The following POLA2 variants were observed in gnomAD, a reference collection of about 807,000 sequenced individuals.
POLA2 encodes the protein DNA polymerase alpha subunit B.
In POLA2, 47 loss-of-function variants were observed where a neutral mutation model predicts 82.8. The ratio of observed to expected loss-of-function variants is 0.57; its 90% CI spans 0.45 to 0.72. POLA2 has a LOEUF of 0.72. POLA2 is among the 30% of genes least tolerant of loss of function. The pLI, the probability that POLA2 is intolerant of heterozygous loss-of-function variation, is 0.00. For synonymous variants in POLA2, 287 were observed against 286.8 expected (o/e 1.00, Z -0.01); for missense variants, 634 against 728.1 (o/e 0.87, Z 1.49).
chr11:65,284,910 A>G, intron 10 of POLA2, among the ~76,000 whole-genome samples: 1 of 152,212 alleles, frequency 6.6e-6, no homozygotes, highest in Non-Finnish European at 1.5e-5. Flanking sequence ...TCAACACCCC[A>G]TGCATGTAAC....
In POLA2 at chr11:65,279,572, A is replaced by C. The variant is rs574278314; in HGVS notation, c.690A>C (p.Glu230Asp). 1.2e-6 allele frequency: 2 copies of C among 1,613,844 alleles called. No homozygotes were observed. The highest frequency in any genetic ancestry group is 1.7e-6 in the Non-Finnish European group (2 of 1,179,802). The change falls in exon 7 of 18, where the codon GAA (glutamate) becomes GAC (aspartate). Residue 230 changes from glutamate (E) to aspartate (D), a missense_variant. By Grantham distance (45) the Glu-to-Asp change is conservative. Transcript: ENST00000265465. The part of the protein sequence containing the change: ...LTCKIEELGS[E>D]LKEHYKIEAF... ...GTAAGATAGAAGAACTTGGCAGCGA[A>C]CTCAAGGAACATTACAAGATTGAAG...
intron 5 of POLA2, among the ~76,000 whole-genome samples, chr11:65,276,790 CTT>C (rs1267118697): frequency 1.9e-4 from 26 of 137,684 alleles, no homozygotes; most frequent in Non-Finnish European, 2.2e-4. Flanking sequence ...AACTCTATCA[CTT>C]TTTTTTTTTT....
chr11:65,294,972 T>C (rs548472854), intron 15 of POLA2, among the ~76,000 whole-genome samples: 1 of 152,314 alleles, frequency 6.6e-6, no homozygotes, highest in Admixed American at 6.5e-5. Flanking sequence ...CCCAAATTTG[T>C]GACCTGAAAA....
rs1949789927 is a variant in POLA2, at chr11:65,294,578, C to T, written c.1386C>T (p.Leu462=). The change falls in exon 15 of 18, where the codon CTC becomes CTT. Residue 462 remains leucine, a synonymous_variant. Coordinates refer to ENST00000265465, the MANE Select transcript of POLA2 (RefSeq NM_002689.4). The stretch of plus-strand genomic sequence containing the variant: ...AGTTTGTGTCCGAGCCCTGCAGCCT[C>T]TCCATAAACGGAGTGATCTTCGGCT... The part of the protein sequence containing the change: ...QVQFVSEPCS[L]SINGVIFGLT... 1 of 1,613,970 alleles carries T rather than the reference C, an allele frequency of 6.2e-7. No homozygotes were observed. The highest frequency in any genetic ancestry group is 8.5e-7 in the Non-Finnish European group (1 of 1,179,962).
rs1399452801 is a variant in POLA2 at position 65,287,823 on chromosome 11, C to T, written c.1114C>T (p.Pro372Ser). 1.2e-6 allele frequency: 2 copies of T among 1,613,470 alleles called. No individual in the cohort carries two copies. The highest frequency in any genetic ancestry group is 1.7e-6 in the Non-Finnish European group (2 of 1,179,842). Residue 372 changes from proline to serine, a missense_variant, in exon 11 of 18, where the codon CCA (proline) becomes TCA (serine). Coordinates refer to ENST00000265465, the MANE Select transcript of POLA2 (RefSeq NM_002689.4). The stretch of plus-strand genomic sequence containing the variant: ...GATTGCTGTCATCAACCATGACCGG[C>T]CAGATGTCTGCATCCTGGTAAGAGG... Reference protein sequence around the residue: ...DLIAVINHDRPDVCILFGPFL... With the variant: ...DLIAVINHDRSDVCILFGPFL...
chr11:65,263,162 A>G (rs1949418291), intron 1 of POLA2, among the ~76,000 whole-genome samples: 1 of 151,850 alleles, frequency 6.6e-6, no homozygotes, highest in South Asian at 2.1e-4. Flanking sequence ...ATGGTGAGAA[A>G]TTCCTTTCAG....
downstream of POLA2, among the ~76,000 whole-genome samples, chr11:65,300,118 C>G: frequency 6.6e-6 from 1 of 152,200 alleles, no homozygotes; most frequent in East Asian, 1.9e-4. Flanking sequence ...TAATCCCATC[C>G]CCTGGCAATC....
intron 13 of POLA2, 142 bp downstream of exon 13, chr11:65,290,014 C>T (rs969728405): frequency 6.9e-6 from 4 of 576,332 alleles, no homozygotes; most frequent in South Asian, 4.3e-5. Context: ...TTTGGGAGGC[C>T]GAGGCGGGCA....
chr11:65,269,343 C>A (rs560822720), intron 4 of POLA2, among the ~76,000 whole-genome samples: 3 of 151,960 alleles, frequency 2.0e-5, no homozygotes, highest in Non-Finnish European at 2.9e-5. Flanking sequence ...AGAAATTAGC[C>A]GGGCGTGGTG....
Position 65,278,836 on chromosome 11 carries a change from AACATC to A in POLA2, c.570_574del (p.Asn190LysfsTer32). 1 of 1,613,882 alleles carries A rather than the reference AACATC, an allele frequency of 6.2e-7. No homozygotes were observed. Among genetic ancestry groups the A allele is most frequent in the Middle Eastern group, 1.7e-4 (1 of 5,826 alleles). ...TTGGTCTGGGAGAGGAGGAGCTGGA[AACATC>A]AGCCTGAAGGTCTTGGGATGTCCAG... On this transcript the variant is annotated frameshift_variant, in exon 6 of 18. Coordinates refer to ENST00000265465, the MANE Select transcript of POLA2 (RefSeq NM_002689.4). LOFTEE classifies it high-confidence loss of function.
rs1415342037 is a variant in POLA2, at chr11:65,280,997, T to A, written c.750T>A (p.Pro250=). Residue 250 remains proline, a synonymous_variant, in exon 8 of 18, where the codon CCT becomes CCA. Transcript: ENST00000265465. ...FTPLLAPAQE[P]VTLLGQIGCD... is the part of the protein sequence containing the mutation. The stretch of plus-strand genomic sequence containing the variant: ...CTGTGACCTTCCTTTGGTAGGAGCC[T>A]GTCACTCTGCTGGGCCAGATTGGCT... The A allele has an allele frequency of 1.2e-6, 2 of 1,613,540 alleles. No individual in the cohort carries two copies. The highest frequency in any genetic ancestry group is 1.7e-6 in the Non-Finnish European group (2 of 1,179,952).
At position 65,294,201 on chromosome 11, in the gene POLA2, T is replaced by G; in HGVS notation, c.1293T>G (p.His431Gln). ...TCCCGTCATTGAGAGATGTGCACCATGAGCCTGTGTACCCCCAGCCGCCTT... is the reference window on the plus strand; with the variant it reads ...TCCCGTCATTGAGAGATGTGCACCAGGAGCCTGTGTACCCCCAGCCGCCTT... Reference protein sequence around the residue: ...VFVPSLRDVHHEPVYPQPPFS... With the variant: ...VFVPSLRDVHQEPVYPQPPFS... Residue 431 changes from histidine (H) to glutamine (Q), a missense_variant, in exon 14 of 18, where the codon CAT (histidine) becomes CAG (glutamine). Transcript: ENST00000265465. 3.7e-6 allele frequency: 6 copies of G among 1,614,160 alleles called. No individual in the cohort carries two copies. The highest frequency in any genetic ancestry group is 5.1e-6 in the Non-Finnish European group (6 of 1,180,038).
intron 7 of POLA2, 117 bp from the exon 8 acceptor site, chr11:65,280,870 ATGCCC>A: frequency 1.0e-6 from 1 of 962,394 alleles, no homozygotes; most frequent in Middle Eastern, 3.4e-4. Context: ...GGTCAAAGCA[ATGCCC>A]TGCCAAGAAA....
At chr11:65,305,055 C>T (rs1282873850) in intron 8 of POLA2, among the ~76,000 whole-genome samples, 1 of 151,318 alleles carries the variant, frequency 6.6e-6, no homozygotes, top group Non-Finnish European at 1.5e-5. Context: ...CATGGCCCTC[C>T]ATGGGGGCTA....
chr11:65,268,815 C>G, intron 4 of POLA2, 86 bp downstream of exon 4: 1 of 806,072 alleles, frequency 1.2e-6, no homozygotes, highest in Non-Finnish European at 2.0e-6. Flanking sequence ...GGGAAAAAAT[C>G]AACCACTCTC....
chr11:65,285,738 G>T (rs996234693), intron 10 of POLA2, among the ~76,000 whole-genome samples: 1 of 152,148 alleles, frequency 6.6e-6, no homozygotes, highest in South Asian at 2.1e-4. Flanking sequence ...AGTTTAACAG[G>T]TTGTTAATGA....
At chr11:65,285,516 G>A (rs1461699396) in intron 10 of POLA2, among the ~76,000 whole-genome samples, 2 of 148,832 alleles carry the variant, frequency 1.3e-5, no homozygotes, top group Non-Finnish European at 3.0e-5. Flanking sequence ...AGGCTGCCAT[G>A]AGCCATGATC....
At chr11:65,278,005 T>C (rs530073839) in intron 5 of POLA2, among the ~76,000 whole-genome samples, 1 of 152,338 alleles carries the variant, frequency 6.6e-6, no homozygotes, top group African/African-American at 2.4e-5. Flanking sequence ...TTCAGTGCAT[T>C]AAACAAAGCC....
At chr11:65,296,209 C>A in intron 17 of POLA2, 1 of 503,306 alleles carries the variant, frequency 2.0e-6, no homozygotes, top group East Asian at 3.5e-5. Flanking sequence ...TCCTCCCTCC[C>A]CAAGAGAACG....
Sources: allele counts gnomAD v4.1 joint callset (sites outside exome capture counted in the v4.1 genomes callset), GRCh38; gene constraint gnomAD v4.1.1; transcripts MANE v1.5; gene names NCBI Gene and HGNC (gene_info 2026-07-23, HGNC 2026-07-21).